Variants in CLCNKB observed in about 807,000 individuals in gnomAD.
CLCNKB encodes the protein chloride voltage-gated channel Kb, also known as chloride channel protein ClC-Kb.
A neutral mutation model predicts 83.8 loss-of-function variants in CLCNKB; 74 were observed. The ratio of observed to expected loss-of-function variants is 0.88; its 90% CI spans 0.73 to 1.07. The LOEUF is 1.07. Among genes scored for constraint, CLCNKB ranks in the 50% least tolerant of loss-of-function variants. CLCNKB has a pLI of 0.00. For synonymous variants in CLCNKB, 358 were observed against 356.6 expected, an observed-to-expected ratio of 1.00 and a Z score of -0.04; for missense variants, 798 against 893.6, an observed-to-expected ratio of 0.89 and a Z score of 1.36.
intron 2 of CLCNKB, among the ~76,000 whole-genome samples, 167 bp downstream of exon 2, chr1:16,044,759 G>T (rs1215098458): frequency 2.0e-5 from 3 of 152,198 alleles, no homozygotes; most frequent in Non-Finnish European, 4.4e-5. Flanking sequence ...GGGTCTGTCT[G>T]TCCAGCTGTC....
At chr1:16,048,277 C>G (rs2023164122) in intron 5 of CLCNKB, 66 bp from the exon 6 acceptor site, 1 of 1,591,204 alleles carries the variant, frequency 6.3e-7, no homozygotes, top group African/African-American at 1.3e-5. Context: ...GGAAGCCGTG[C>G]TGACTCTGGG....
In CLCNKB at chr1:16,048,649, C is replaced by T; in HGVS notation, c.655+67C>T. The T allele has an allele frequency of 1.9e-6, 3 of 1,599,342 alleles. No homozygotes were observed. The South Asian group carries it at 3.3e-5, about 18-fold the overall frequency. On this transcript the variant is annotated intron_variant, in intron 7 of 19. Transcript: ENST00000375679. ...CCTCCCCTCACACCCTGGGCTCCTT[C>T]GGCCCAGCTGAGAGCCTGGAGGAGG...
intron 12 of CLCNKB, 80 bp from the exon 13 acceptor site, chr1:16,051,398 C>T (rs530336797): frequency 6.6e-7 from 1 of 1,520,312 alleles, no homozygotes; most frequent in East Asian, 2.2e-5. Flanking sequence ...GGACACTCCC[C>T]TGTCCCATGT....
chr1:16,048,084 C>A (rs1570331996), intron 5 of CLCNKB, 40 bp downstream of exon 5: 1 of 1,594,408 alleles, frequency 6.3e-7, no homozygotes, highest in South Asian at 1.1e-5. Flanking sequence ...ACCCTACCCA[C>A]CCCAGCCACC....
chr1:16,044,239 A>G (rs1332796682), intron 1 of CLCNKB, among the ~76,000 whole-genome samples: 2 of 35,802 alleles, frequency 5.6e-5, no homozygotes, highest in East Asian at 2.1e-3. Flanking sequence ...TGCTGGACAC[A>G]GGGGGACACC....
chr1:16,048,153 T>C, intron 5 of CLCNKB, 109 bp downstream of exon 5: 3 of 1,487,646 alleles, frequency 2.0e-6, no homozygotes, highest in Non-Finnish European at 2.7e-6. Context: ...GGCTGGTCCC[T>C]GCCTTCCAGG....
intron 16 of CLCNKB, among the ~76,000 whole-genome samples, chr1:16,054,317 T>A (rs889947961): frequency 3.3e-5 from 5 of 152,176 alleles, no homozygotes; most frequent in African/African-American, 1.2e-4. Flanking sequence ...TGTCAGCCCA[T>A]GTGTCCCCCT....
chr1:16,045,786 G>C lies in CLCNKB; in HGVS notation c.229+100G>C, dbSNP rs956745473. On this transcript the variant is annotated intron_variant, in intron 3 of 19. Coordinates refer to ENST00000375679, the MANE Select transcript of CLCNKB (RefSeq NM_000085.5). ...GCCAGGTGCAGCGGAGGTTGGGGGG[G>C]GTGCTCTGGGTGGGGATCTGGTCCT... The C allele has an allele frequency of 1.7e-4, 193 of 1,160,586 alleles. 3 individuals carry two copies. The South Asian group carries it at 2.3e-3, about 14-fold the overall frequency. 71.9% of individuals were successfully genotyped at this position (1,160,586 alleles called of 1,614,324 possible).
Position 16,049,113 on chromosome 1 carries a change from C to A in CLCNKB, c.656-7C>A. 1 of 1,613,566 alleles carries A rather than the reference C, an allele frequency of 6.2e-7. No homozygotes were observed. On this transcript the variant is annotated splice_polypyrimidine_tract_variant and splice_region_variant and intron_variant, in intron 7 of 19. Transcript: ENST00000375679. ...GAGGGCCCACCTGAGATCAGTGTCG[C>A]CCCCAGGCGTCCTGTTCAGCATCGA...
chr1:16,045,552 C>T lies in CLCNKB; in HGVS notation c.101-6C>T. The stretch of plus-strand genomic sequence containing the variant: ...CCCTGTGCCGTGACCCCATGCCCTG[C>T]CCCAGGTGGCCTGGAGTGGCTGAAG... On this transcript the variant is annotated splice_polypyrimidine_tract_variant and splice_region_variant and intron_variant, in intron 2 of 19. Transcript: ENST00000375679. The T allele has an allele frequency of 6.2e-7, 1 of 1,613,366 alleles. No homozygotes were observed. The highest frequency in any genetic ancestry group is 8.5e-7 in the Non-Finnish European group (1 of 1,179,476).
chr1:16,050,025 C>CATTATTT (rs1476602909), intron 10 of CLCNKB, 109 bp downstream of exon 10: 138 of 692,026 alleles, frequency 2.0e-4, no homozygotes, highest in Non-Finnish European at 2.4e-4. Context: ...AAAGCCCATC[C>CATTATTT]TAGCCCATGC....
chr1:16,048,932 A>C, intron 7 of CLCNKB, 188 bp from the exon 8 acceptor site: 3 of 1,469,740 alleles, frequency 2.0e-6, no homozygotes, highest in Non-Finnish European at 2.7e-6. Context: ...TCCAGGCTGG[A>C]CGGGTCTCTG....
At position 16,055,724 on chromosome 1, in the gene CLCNKB, C is replaced by G. The variant is rs1032572395; in HGVS notation, c.1895C>G (p.Thr632Ser). ...LAAGCPTEPVTLKLSPETSLH... is the reference protein window; with the variant it reads ...LAAGCPTEPVSLKLSPETSLH... The stretch of plus-strand genomic sequence containing the variant: ...GCAGGCTGCCCCACAGAACCAGTGA[C>G]CCTGAAGCTGTCCCCAGAGACTTCC... Residue 632 changes from threonine (T) to serine (S), a missense_variant, in exon 18 of 20, where the codon ACC (threonine) becomes AGC (serine). Thr to Ser is a moderately conservative substitution (Grantham distance 58). Transcript: ENST00000375679. 1.2e-6 allele frequency: 2 copies of G among 1,613,650 alleles called. No homozygotes were observed. Among genetic ancestry groups the G allele is most frequent in the African/African-American group, 2.7e-5 (2 of 74,918 alleles).
intron 2 of CLCNKB, 91 bp from the exon 3 acceptor site, chr1:16,045,467 C>A: frequency 6.7e-7 from 1 of 1,502,536 alleles, no homozygotes; most frequent in Non-Finnish European, 9.2e-7. Flanking sequence ...CCTGCCCCAG[C>A]CTCTCTGCCT....
At position 16,049,057 on chromosome 1, in the gene CLCNKB, G is replaced by T. The variant is rs555815017; in HGVS notation, c.656-63G>T. The T allele has an allele frequency of 3.1e-6, 5 of 1,612,978 alleles. No homozygotes were observed. In the South Asian group the frequency reaches 4.4e-5, roughly 14 times the overall value. ...GTCAGGGAGGAGGTGACATGGGGAGGGGGTCCTACAGTCACAGGTGGGTGG... is the reference window on the plus strand; with the variant it reads ...GTCAGGGAGGAGGTGACATGGGGAGTGGGTCCTACAGTCACAGGTGGGTGG... On this transcript the variant is annotated intron_variant, in intron 7 of 19. Transcript: ENST00000375679.
At chr1:16,044,339 A>T in intron 1 of CLCNKB, 147 bp from the exon 2 acceptor site, 1 of 645,502 alleles carries the variant, frequency 1.5e-6, no homozygotes. Context: ...ACACAGACCT[A>T]GTGTGATAAC....
rs1481375490 is a variant in CLCNKB at position 16,057,144 on chromosome 1, TGA to T, written c.*231_*232del. The T allele has an allele frequency of 1.5e-6, 1 of 689,408 alleles. No individual in the cohort carries two copies. Among genetic ancestry groups the T allele is most frequent in the Non-Finnish European group, 2.7e-6 (1 of 370,846 alleles). 42.7% of individuals were successfully genotyped at this position (689,408 alleles called of 1,614,324 possible). ...ATCCCACCTTGGGCAGAGCTGAGTGTGAGAAGATGGAAAACCAGTATCTGCCA... is the reference window on the plus strand; with the variant it reads ...ATCCCACCTTGGGCAGAGCTGAGTGTGAAGATGGAAAACCAGTATCTGCCA... On this transcript the variant is annotated 3_prime_UTR_variant, in exon 20 of 20. Transcript: ENST00000375679.
At position 16,056,307 on chromosome 1, in the gene CLCNKB, C is replaced by G. The variant is rs945011465; in HGVS notation, c.1930-115C>G. ...GACATTGCAGGCCTGGGTCTCTTGTCTCCCACACACATCAGGCCCCGCCCC... is the reference window on the plus strand; with the variant it reads ...GACATTGCAGGCCTGGGTCTCTTGTGTCCCACACACATCAGGCCCCGCCCC... On this transcript the variant is annotated intron_variant, in intron 18 of 19. Transcript: ENST00000375679. 4.6e-6 allele frequency: 5 copies of G among 1,079,578 alleles called. No homozygotes were observed. In the Admixed American group the frequency reaches 8.6e-5, roughly 19 times the overall value. The allele number at this position is 1,079,578 out of a possible 1,614,324, so 66.9% of individuals were successfully genotyped here.
chr1:16,049,651 G>T lies in CLCNKB; in HGVS notation c.815G>T (p.Arg272Leu). 1 of 1,609,548 alleles carries T rather than the reference G, an allele frequency of 6.2e-7. No homozygotes were observed. Among genetic ancestry groups the T allele is most frequent in the Non-Finnish European group, 8.5e-7 (1 of 1,177,904 alleles). ...TITSLYKTSF[R>L]VDVPFDLPEI... ...ACCTCCCTCTACAAGACCAGTTTCC[G>T]GGTGGACGTTCCCTTCGACCTGCCT... The change falls in exon 9 of 20, where the codon CGG becomes CTG. Residue 272 changes from arginine to leucine, a missense_variant. Transcript: ENST00000375679.
Sources: gnomAD v4.1 joint callset for allele counts (sites outside exome capture counted in the v4.1 genomes callset) on GRCh38, gnomAD v4.1.1 for gene constraint, MANE v1.5 for transcripts, NCBI Gene and HGNC (gene_info 2026-07-23, HGNC 2026-07-21) for gene names.